CABIN1: variants seen among roughly 807,000 people sequenced by gnomAD.
CABIN1 encodes calcineurin binding protein 1.
CABIN1 carries 133 observed loss-of-function variants against 227.7 expected under a neutral mutation model. That is an observed-to-expected ratio of 0.58 (90% CI 0.51 to 0.67). The LOEUF is 0.67. Among genes scored for constraint, CABIN1 ranks in the 30% least tolerant of loss-of-function variants. The pLI is 0.00. For missense variants in CABIN1, 2,408 were observed against 2,852.5 expected (o/e 0.84, Z 3.55); for synonymous variants, 1,086 against 1,155.1 (o/e 0.94, Z 1.21).
intron 23 of CABIN1, among the ~76,000 whole-genome samples, chr22:24,090,383 C>A (rs2041462905): frequency 6.6e-6 from 1 of 152,194 alleles, no homozygotes; most frequent in Non-Finnish European, 1.5e-5. Flanking sequence ...CCTTTTACTT[C>A]AGCACATTTG....
At chr22:24,143,917 A>C (rs2044945729) in intron 29 of CABIN1, among the ~76,000 whole-genome samples, 1 of 152,174 alleles carries the variant, frequency 6.6e-6, no homozygotes, top group African/African-American at 2.4e-5. Context: ...TGTGGTCAAA[A>C]GGGGCTCAGG....
intron 29 of CABIN1, among the ~76,000 whole-genome samples, chr22:24,160,759 C>T (rs1225886935): frequency 6.6e-6 from 1 of 152,246 alleles, no homozygotes; most frequent in Admixed American, 6.5e-5. Flanking sequence ...ACTTCAGGGA[C>T]ACTTGTCACC....
intron 3 of CABIN1, 132 bp downstream of exon 3, chr22:24,036,313 T>C (rs755274711): frequency 1.4e-6 from 1 of 732,108 alleles, no homozygotes; most frequent in Non-Finnish European, 2.5e-6. Context: ...TGGCTAGCTC[T>C]CCATCTCCTG....
intron 27 of CABIN1, among the ~76,000 whole-genome samples, 193 bp downstream of exon 27, chr22:24,113,941 C>T (rs992155540): frequency 1.3e-5 from 2 of 152,170 alleles, no homozygotes; most frequent in African/African-American, 2.4e-5. Context: ...TGAGGCAGCT[C>T]CTGAGGGTGC....
chr22:24,093,598 G>A (rs1404231703), intron 24 of CABIN1, among the ~76,000 whole-genome samples: 1 of 152,084 alleles, frequency 6.6e-6, no homozygotes. Flanking sequence ...GCCAGGCATG[G>A]TGGCTCACAC....
intron 26 of CABIN1, among the ~76,000 whole-genome samples, chr22:24,106,278 G>T (rs556402194): frequency 6.6e-6 from 1 of 152,334 alleles, no homozygotes; most frequent in South Asian, 2.1e-4. Context: ...GCCCTTCCTT[G>T]GCTGCAGGTC....
At chr22:24,138,944 A>G (rs887014630) in intron 29 of CABIN1, among the ~76,000 whole-genome samples, 4 of 152,316 alleles carry the variant, frequency 2.6e-5, no homozygotes, top group Non-Finnish European at 5.9e-5. Flanking sequence ...ATGGCCCACA[A>G]TCAAATTAGA....
intron 18 of CABIN1, among the ~76,000 whole-genome samples, chr22:24,075,725 AAC>A (rs972785754): frequency 6.6e-6 from 1 of 152,194 alleles, no homozygotes; most frequent in Non-Finnish European, 1.5e-5. Context: ...CAGCCTGGGC[AAC>A]AGTTAGACCC....
chr22:24,018,109 C>T (rs2035437242), intron 1 of CABIN1, among the ~76,000 whole-genome samples: 1 of 152,062 alleles, frequency 6.6e-6, no homozygotes, highest in Admixed American at 6.6e-5. Flanking sequence ...TTCACCTCGG[C>T]TTCCCAAAGT....
At chr22:24,133,345 AGTAT>A (rs904377282) in intron 28 of CABIN1, among the ~76,000 whole-genome samples, 1 of 152,254 alleles carries the variant, frequency 6.6e-6, no homozygotes. Context: ...GGAATGGTTC[AGTAT>A]GCTCAGCCTG....
rs182377754 is a variant in CABIN1, at chr22:24,048,955, A to G, written c.527-136A>G. Reference sequence around the variant, plus strand: ...GTCTTATTACTAACCTGACTGAATTAGTTAAAGTGGTATCTCATTATTTTT... The same window carrying G: ...GTCTTATTACTAACCTGACTGAATTGGTTAAAGTGGTATCTCATTATTTTT... On this transcript the variant is annotated intron_variant, in intron 6 of 36. Transcript: ENST00000263119. 1.4e-5 allele frequency: 14 copies of G among 997,050 alleles called. No homozygotes were observed. In the East Asian group the frequency reaches 2.9e-4, roughly 21 times the overall value. The allele number at this position is 997,050 out of a possible 1,614,324, so 61.8% of individuals were successfully genotyped here. A position where few individuals can be genotyped will look rare whatever the true frequency, so the allele number is the denominator to read the frequency against.
intron 19 of CABIN1, 24 bp from the exon 20 acceptor site, chr22:24,083,204 G>A: frequency 1.9e-6 from 3 of 1,611,666 alleles, no homozygotes; most frequent in Non-Finnish European, 2.5e-6. Flanking sequence ...CCTCACCTCA[G>A]GCCATCTCTT....
rs375320991 is a variant in CABIN1, at chr22:24,134,252, G to T, written c.4633-50G>T. 2.1e-6 allele frequency: 3 copies of T among 1,404,046 alleles called. No individual in the cohort carries two copies. The African/African-American group carries it at 4.3e-5, about 20-fold the overall frequency. 87.0% of individuals were successfully genotyped at this position (1,404,046 alleles called of 1,614,324 possible). A position where few individuals can be genotyped will look rare whatever the true frequency, so the allele number is the denominator to read the frequency against. On this transcript the variant is annotated intron_variant, in intron 28 of 36. Transcript: ENST00000263119. Reference sequence around the variant, plus strand: ...GGGACCGCCTGCCTTCCCTGTGGGCGCCCTGAGCAGCCCACACACTCACTT... The same window carrying T: ...GGGACCGCCTGCCTTCCCTGTGGGCTCCCTGAGCAGCCCACACACTCACTT...
At chr22:24,137,939 C>T (rs1359034790) in intron 29 of CABIN1, among the ~76,000 whole-genome samples, 1 of 152,164 alleles carries the variant, frequency 6.6e-6, no homozygotes, top group African/African-American at 2.4e-5. Flanking sequence ...GGGTTTACTG[C>T]TTAGTCTAGT....
At position 24,059,352 on chromosome 22, in the gene CABIN1, T is replaced by G. The variant is rs200077885; in HGVS notation, c.1388T>G (p.Phe463Cys). The G allele has an allele frequency of 2.5e-4, 407 of 1,614,090 alleles. 2 individuals are homozygous for G. The South Asian group carries it at 2.9e-3, about 11-fold the overall frequency. The stretch of plus-strand genomic sequence containing the variant: ...AGGCTGTCATTTGACTCAGCCACAT[T>G]CATGGAATCTGGTAGGAATCGAGCA... ...PQRLSFDSAT[F>C]MESEKQDVHE... The change falls in exon 11 of 37, where the codon TTC (phenylalanine) becomes TGC (cysteine). Residue 463 changes from phenylalanine to cysteine, a missense_variant. By Grantham distance (205) the Phe-to-Cys change is radical (BLOSUM62 -2). This residue lies in a region of CABIN1 where 1,045 missense variants were observed against 1,168.4 expected (regional missense o/e 0.89). Transcript: ENST00000263119.
chr22:24,175,135 T>C (rs1322892289), intron 34 of CABIN1, among the ~76,000 whole-genome samples: 1 of 151,870 alleles, frequency 6.6e-6, no homozygotes, highest in Non-Finnish European at 1.5e-5. Context: ...CCAAATTAAA[T>C]GGCCTTTTGC....
At chr22:24,064,789 C>G (rs1443765068) in intron 15 of CABIN1, among the ~76,000 whole-genome samples, 1 of 151,988 alleles carries the variant, frequency 6.6e-6, no homozygotes, top group Non-Finnish European at 1.5e-5. Flanking sequence ...TCCATTTAAC[C>G]CTGAGTGGAC....
rs144606878 is a variant in CABIN1 at position 24,115,887 on chromosome 22, C to G, written c.4300+2139C>G. ...GTTGTGGGGTACAGGCCCTCACTCA[C>G]GCGTATTTGTTATCAAGCAGCAGGG... is the stretch of plus-strand genomic sequence containing the variant. On this transcript the variant is annotated intron_variant, in intron 27 of 36. Transcript: ENST00000263119. Among the ~76,000 whole-genome samples, 228 of 152,274 alleles carry G rather than the reference C, an allele frequency of 1.5e-3. 2 individuals carry two copies. Among genetic ancestry groups the G allele is most frequent in the African/African-American group, 5.1e-3 (210 of 41,558 alleles).
At chr22:24,151,664 T>G (rs923849672) in intron 29 of CABIN1, among the ~76,000 whole-genome samples, 4 of 152,088 alleles carry the variant, frequency 2.6e-5, no homozygotes, top group Non-Finnish European at 4.4e-5. Context: ...AGATCACACT[T>G]CAGGCCTCAG....
Sources: allele counts gnomAD v4.1 joint callset (sites outside exome capture counted in the v4.1 genomes callset), GRCh38; gene constraint gnomAD v4.1.1; regional missense constraint gnomAD v4.1.1; transcripts MANE v1.5; gene names NCBI Gene and HGNC (gene_info 2026-07-23, HGNC 2026-07-21).